The following STARD13 variants were observed in gnomAD, a reference collection of about 807,000 sequenced individuals.
STARD13 encodes StAR related lipid transfer domain containing 13, also known as stAR-related lipid transfer protein 13.
A neutral mutation model predicts 106.4 loss-of-function variants in STARD13; 62 were observed. The ratio of observed to expected loss-of-function variants is 0.58; its 90% CI spans 0.48 to 0.72. STARD13 has a LOEUF of 0.72. Ranked by LOEUF, STARD13 falls within the 30% of genes least tolerant of loss-of-function variation. STARD13 has a pLI of 0.00. For missense variants in STARD13, 1,387 were observed against 1,424.0 expected (o/e 0.97, Z 0.42); for synonymous variants, 565 against 553.0 (o/e 1.02, Z -0.31).
At chr13:33,209,357 A>G (rs1045672296) in intron 1 of STARD13, among the ~76,000 whole-genome samples, 2 of 152,224 alleles carry the variant, frequency 1.3e-5, no homozygotes, top group Admixed American at 1.3e-4. Flanking sequence ...GAAAGGAACA[A>G]ACAGCAACAC....
At chr13:33,407,975 GA>G in the STARD13 span, among the ~76,000 whole-genome samples, 1 of 152,134 alleles carries the variant, frequency 6.6e-6, no homozygotes, top group Non-Finnish European at 1.5e-5. Context: ...ATCTCAACGT[GA>G]AATGAAAGCC....
At chr13:33,629,079 A>G in the STARD13 span, among the ~76,000 whole-genome samples, 1 of 152,234 alleles carries the variant, frequency 6.6e-6, no homozygotes, top group Non-Finnish European at 1.5e-5. Context: ...TGGTAGCTGC[A>G]TAAAGAGACA....
the STARD13 span, among the ~76,000 whole-genome samples, chr13:33,503,854 T>C: frequency 6.6e-6 from 1 of 152,122 alleles, no homozygotes; most frequent in Non-Finnish European, 1.5e-5. Context: ...AATCTACCCA[T>C]CTGACAAAGG....
the STARD13 span, among the ~76,000 whole-genome samples, chr13:33,439,166 G>A: frequency 6.6e-6 from 1 of 152,208 alleles, no homozygotes; most frequent in Admixed American, 6.5e-5. Flanking sequence ...GAGTTGGTAA[G>A]AAGTGGTGAT....
the STARD13 span, among the ~76,000 whole-genome samples, chr13:33,489,098 A>G: frequency 6.6e-6 from 1 of 152,178 alleles, no homozygotes; most frequent in Non-Finnish European, 1.5e-5. Flanking sequence ...TCTAGCTTCT[A>G]AATATCTTTC....
chr13:33,512,888 C>A, the STARD13 span, among the ~76,000 whole-genome samples: 10 of 152,272 alleles, frequency 6.6e-5, no homozygotes, highest in Admixed American at 5.2e-4. Flanking sequence ...TCAGAAGAAA[C>A]CAACCCTGTG....
At chr13:33,424,464 TA>T in the STARD13 span, among the ~76,000 whole-genome samples, 1 of 152,182 alleles carries the variant, frequency 6.6e-6, no homozygotes, top group African/African-American at 2.4e-5. Context: ...CTGCGCACAT[TA>T]TTGCCCTCTG....
the STARD13 span, among the ~76,000 whole-genome samples, chr13:33,543,188 T>TG: frequency 6.6e-6 from 1 of 152,236 alleles, no homozygotes; most frequent in Non-Finnish European, 1.5e-5. Flanking sequence ...CTGTATTAAT[T>TG]GCCTGGTAGG....
intron 1 of STARD13, among the ~76,000 whole-genome samples, chr13:33,238,249 C>T (rs1284431422): frequency 2.0e-5 from 3 of 152,094 alleles, no homozygotes; most frequent in East Asian, 1.9e-4. Context: ...GGTCCAACTC[C>T]CTGGCTAGTT....
At chr13:33,228,211 C>T (rs1261641658) in intron 1 of STARD13, among the ~76,000 whole-genome samples, 4 of 152,022 alleles carry the variant, frequency 2.6e-5, no homozygotes, top group Non-Finnish European at 5.9e-5. Flanking sequence ...TGGGAGGGAG[C>T]CCCAGTGGAT....
the STARD13 span, among the ~76,000 whole-genome samples, chr13:33,362,151 G>A: frequency 6.6e-6 from 1 of 152,252 alleles, no homozygotes; most frequent in African/African-American, 2.4e-5. Flanking sequence ...TCTGCAGGCT[G>A]TACAAGCGAG....
At chr13:33,358,461 T>C in the STARD13 span, among the ~76,000 whole-genome samples, 1 of 152,216 alleles carries the variant, frequency 6.6e-6, no homozygotes, top group Non-Finnish European at 1.5e-5. Context: ...GGTGGGGACG[T>C]GGAGAGTCTT....
intron 4 of STARD13, among the ~76,000 whole-genome samples, chr13:33,141,465 T>C (rs1879820325): frequency 6.6e-6 from 1 of 152,200 alleles, no homozygotes; most frequent in South Asian, 2.1e-4. Flanking sequence ...AACTCAAATC[T>C]CTAGTCTTAT....
chr13:33,450,463 G>T, the STARD13 span, among the ~76,000 whole-genome samples: 1 of 152,020 alleles, frequency 6.6e-6, no homozygotes, highest in African/African-American at 2.4e-5. Flanking sequence ...GCTGAATTTG[G>T]CTCACTTATT....
the STARD13 span, among the ~76,000 whole-genome samples, chr13:33,493,356 C>T: frequency 6.6e-6 from 1 of 152,156 alleles, no homozygotes; most frequent in East Asian, 1.9e-4. Flanking sequence ...CAGAAGTGAT[C>T]TCACGTGATC....
chr13:33,350,535 A>C, exon 1 of STARD13: 1 of 1,437,606 alleles, frequency 7.0e-7, no homozygotes, highest in Non-Finnish European at 9.1e-7. Flanking sequence ...CCCGGGACCC[A>C]ATGCGGGCGC....
At chr13:33,575,949 A>C in the STARD13 span, among the ~76,000 whole-genome samples, 1 of 152,158 alleles carries the variant, frequency 6.6e-6, no homozygotes, top group African/African-American at 2.4e-5. Flanking sequence ...ATTATATGTA[A>C]TGTATACAAG....
At chr13:33,437,399 C>T in the STARD13 span, among the ~76,000 whole-genome samples, 2 of 152,152 alleles carry the variant, frequency 1.3e-5, no homozygotes, top group Non-Finnish European at 2.9e-5. Context: ...CTTGCTGATG[C>T]CCCTGGCCGA....
the STARD13 span, among the ~76,000 whole-genome samples, chr13:33,597,261 G>T: frequency 6.6e-6 from 1 of 152,090 alleles, no homozygotes; most frequent in Non-Finnish European, 1.5e-5. Flanking sequence ...TTGTGGTTTT[G>T]ATTGGCATTT....
Sources: allele counts gnomAD v4.1 joint callset (sites outside exome capture counted in the v4.1 genomes callset), GRCh38; gene constraint gnomAD v4.1.1; transcripts MANE v1.5; gene names NCBI Gene and HGNC (gene_info 2026-07-23, HGNC 2026-07-21).